Variants in CLSTN1 observed in about 807,000 individuals in gnomAD.
CLSTN1 encodes calsyntenin 1, also known as calsyntenin-1.
A neutral mutation model predicts 108.3 loss-of-function variants in CLSTN1; 28 were observed. That is an observed-to-expected ratio of 0.26 (90% CI 0.19 to 0.35). The LOEUF is 0.35. Ranked by LOEUF, CLSTN1 falls within the 10% of genes least tolerant of loss-of-function variation. The pLI is 1.00. For missense variants in CLSTN1, 1,157 were observed against 1,302.6 expected, an observed-to-expected ratio of 0.89 and a Z score of 1.72; for synonymous variants, 524 against 534.9, an observed-to-expected ratio of 0.98 and a Z score of 0.28.
intron 2 of CLSTN1, among the ~76,000 whole-genome samples, chr1:9,760,069 TGTTG>T (rs1021326927): frequency 2.6e-5 from 4 of 152,134 alleles, no homozygotes; most frequent in African/African-American, 7.2e-5. Flanking sequence ...ATTTCCTGCT[TGTTG>T]GTTGGTTGTT....
chr1:9,744,018 T>G lies in CLSTN1; in HGVS notation c.1235-13A>C. ...TGCCGATTCATATCTGCAAAGGCAGTTTCTATGGGTAAATTGCCAACTAAA... is the reference window on the plus strand; with the variant it reads ...TGCCGATTCATATCTGCAAAGGCAGGTTCTATGGGTAAATTGCCAACTAAA... On this transcript the variant is annotated splice_polypyrimidine_tract_variant and intron_variant, in intron 8 of 18. Coordinates refer to ENST00000377298, the MANE Select transcript of CLSTN1 (RefSeq NM_001009566.3). The G allele has an allele frequency of 3.1e-6, 5 of 1,609,300 alleles. No individual in the cohort carries two copies. The highest frequency in any genetic ancestry group is 4.2e-6 in the Non-Finnish European group (5 of 1,177,344).
chr1:9,787,626 T>C (rs1246893885), intron 1 of CLSTN1, among the ~76,000 whole-genome samples: 2 of 151,038 alleles, frequency 1.3e-5, no homozygotes, highest in Non-Finnish European at 2.9e-5. Flanking sequence ...ATGGTCTCGA[T>C]CTCCTGACCT....
At chr1:9,768,265 TG>T (rs1652450841) in intron 2 of CLSTN1, among the ~76,000 whole-genome samples, 1 of 128,712 alleles carries the variant, frequency 7.8e-6, no homozygotes. Flanking sequence ...ACCATAGGGA[TG>T]GGGTTCTATG....
At chr1:9,739,113 T>C (rs1650843243) in intron 10 of CLSTN1, among the ~76,000 whole-genome samples, 1 of 152,194 alleles carries the variant, frequency 6.6e-6, no homozygotes, top group African/African-American at 2.4e-5. Flanking sequence ...ACCTGAGGGT[T>C]CCATGAACTT....
chr1:9,796,123 G>A (rs556044928), intron 1 of CLSTN1, among the ~76,000 whole-genome samples: 6 of 150,636 alleles, frequency 4.0e-5, no homozygotes, highest in Non-Finnish European at 7.4e-5. Context: ...TTAGCTGGGC[G>A]TGGTGGTGGG....
chr1:9,753,354 T>C (rs1651649871), intron 4 of CLSTN1, among the ~76,000 whole-genome samples: 1 of 152,142 alleles, frequency 6.6e-6, no homozygotes. Flanking sequence ...GCCCACGTCC[T>C]GAGGTATGGC....
chr1:9,763,794 TTCCCACCTCTGC>T (rs1047374798), intron 2 of CLSTN1, among the ~76,000 whole-genome samples: 8 of 152,046 alleles, frequency 5.3e-5, no homozygotes, highest in Admixed American at 2.0e-4. Flanking sequence ...GCCCTTCCAG[TTCCCACCTCTGC>T]TCCCACCTCT....
intron 7 of CLSTN1, among the ~76,000 whole-genome samples, chr1:9,745,859 C>G (rs957621876): frequency 2.0e-5 from 3 of 148,664 alleles, no homozygotes; most frequent in Non-Finnish European, 4.5e-5. Flanking sequence ...GCCTTGACCT[C>G]CTGAGCTCAA....
chr1:9,766,078 T>A (rs1652316109), intron 2 of CLSTN1, among the ~76,000 whole-genome samples: 1 of 152,180 alleles, frequency 6.6e-6, no homozygotes, highest in Non-Finnish European at 1.5e-5. Flanking sequence ...GGGCTCTAAC[T>A]GACTATCAAT....
At position 9,729,076 on chromosome 1, in the gene CLSTN1, T is replaced by C. The variant is rs965740041; in HGVS notation, c.*1432A>G. On this transcript the variant is annotated 3_prime_UTR_variant, in exon 19 of 19. Transcript: ENST00000377298. ...AGCGGATACACTTTCTGACCTATCA[T>C]GAGTATACACATCTGCGAAGGGAAA... The C allele has an allele frequency of 9.2e-5, 14 of 152,206 alleles. No individual in the cohort carries two copies. The highest frequency in any genetic ancestry group is 2.9e-4 in the African/African-American group (12 of 41,432). 9.4% of individuals were successfully genotyped at this position (152,206 alleles called of 1,614,324 possible).
chr1:9,741,407 C>T (rs986783246), intron 9 of CLSTN1, 151 bp from the exon 10 acceptor site: 170 of 739,562 alleles, frequency 2.3e-4, no homozygotes, highest in Non-Finnish European at 2.6e-4. Context: ...ATACATCTCA[C>T]CAAAAGAAGC....
At chr1:9,796,670 C>T (rs1022560058) in intron 1 of CLSTN1, among the ~76,000 whole-genome samples, 2 of 151,704 alleles carry the variant, frequency 1.3e-5, no homozygotes, top group African/African-American at 2.4e-5. Context: ...GGCGACAGAG[C>T]GAGACTCCGC....
chr1:9,746,249 A>G (rs1228113332), intron 7 of CLSTN1, among the ~76,000 whole-genome samples: 1 of 152,242 alleles, frequency 6.6e-6, no homozygotes, highest in Non-Finnish European at 1.5e-5. Context: ...CAAAAAACAT[A>G]AAAAATGTTT....
intron 1 of CLSTN1, among the ~76,000 whole-genome samples, chr1:9,822,869 C>A (rs1655241473): frequency 6.6e-6 from 1 of 152,092 alleles, no homozygotes; most frequent in Non-Finnish European, 1.5e-5. Context: ...AACATCTAAC[C>A]CTCCACGGTC....
chr1:9,733,331 T>C (rs1380520259), intron 16 of CLSTN1, 70 bp downstream of exon 16: 1 of 1,583,356 alleles, frequency 6.3e-7, no homozygotes, highest in South Asian at 1.1e-5. Flanking sequence ...TTTGTGAATA[T>C]TAGGGCTGCA....
rs537961353 is a variant in CLSTN1, at chr1:9,730,450, G to C, written c.*58C>G. The C allele has an allele frequency of 5.1e-5, 77 of 1,507,670 alleles. 3 individuals carry two copies. In the South Asian group the frequency reaches 8.5e-4, roughly 17 times the overall value. 93.4% of individuals were successfully genotyped at this position (1,507,670 alleles called of 1,614,324 possible). ...GTACATCGTGGACCCTTGGGACTGG[G>C]AGAACGGATGGCAGCAGAGTCTTCG... On this transcript the variant is annotated 3_prime_UTR_variant, in exon 19 of 19. Coordinates refer to ENST00000377298, the MANE Select transcript of CLSTN1 (RefSeq NM_001009566.3). The surrounding 1 kb of genome is among the most constrained non-coding windows in gnomAD (Gnocchi z 5.6).
chr1:9,750,715 C>CAAACAAAA (rs1553177357), intron 5 of CLSTN1, among the ~76,000 whole-genome samples: 29 of 77,176 alleles, frequency 3.8e-4, no homozygotes, highest in African/African-American at 1.2e-3. Context: ...TTCCCTCAAA[C>CAAACAAAA]AAAAAAAAAA....
chr1:9,774,831 C>A (rs551553345), intron 1 of CLSTN1, among the ~76,000 whole-genome samples: 2 of 151,982 alleles, frequency 1.3e-5, no homozygotes. Context: ...GGCTGCTGGT[C>A]GGCTATTTTT....
rs1452550271 is a variant in CLSTN1 at position 9,773,364 on chromosome 1, G to C, written c.122C>G (p.Thr41Ser). The change falls in exon 2 of 19, where the codon ACC (threonine) becomes AGC (serine). Residue 41 changes from threonine to serine, a missense_variant. Transcript: ENST00000377298. ...GTTCTCTGTGACTATGCCGTGGTAG[G>C]TGGGCTCCAGCCAGGGCTTGTGCTT... ...VNKHKPWLEPTYHGIVTENDN... is the reference protein window; with the variant it reads ...VNKHKPWLEPSYHGIVTENDN... 2 of 1,613,868 alleles carry C rather than the reference G, an allele frequency of 1.2e-6. No individual in the cohort carries two copies. The highest frequency in any genetic ancestry group is 3.3e-5 in the Admixed American group (2 of 59,962).
Sources: gnomAD v4.1 joint callset for allele counts (sites outside exome capture counted in the v4.1 genomes callset) on GRCh38, gnomAD v4.1.1 for gene constraint, Gnocchi (gnomAD v3.1) non-coding constraint, MANE v1.5 for transcripts, NCBI Gene and HGNC (gene_info 2026-07-23, HGNC 2026-07-21) for gene names.